MICALL2: variants seen among roughly 807,000 people sequenced by gnomAD.
The protein encoded by MICALL2 is MICAL-like protein 2.
In MICALL2, 111 loss-of-function variants were observed where a neutral mutation model predicts 91.1. The ratio of observed to expected loss-of-function variants is 1.22; its 90% confidence interval spans 1.04 to 1.43. The LOEUF is 1.43. MICALL2 is among the 40% of genes most tolerant of loss of function. The pLI is 0.00. For missense variants in MICALL2, 1,556 were observed against 1,236.0 expected (o/e 1.26, Z -3.88); for synonymous variants, 694 against 525.3 (o/e 1.32, Z -4.39).
chr7:1,456,763 T>G (rs1781035155), intron 1 of MICALL2, among the ~76,000 whole-genome samples: 1 of 151,982 alleles, frequency 6.6e-6, no homozygotes, highest in African/African-American at 2.4e-5. Context: ...AGAGCGAGAC[T>G]CCAACTCTGG....
At chr7:1,439,833 A>T in intron 9 of MICALL2, 92 bp downstream of exon 9, 4 of 1,124,514 alleles carry the variant, frequency 3.6e-6, no homozygotes, top group South Asian at 2.1e-5. Flanking sequence ...ACACCCCAGG[A>T]GGTGGCACTA....
At chr7:1,444,622 C>T in intron 6 of MICALL2, 30 bp downstream of exon 6, 1 of 1,592,606 alleles carries the variant, frequency 6.3e-7, no homozygotes, top group South Asian at 1.1e-5. Context: ...AGAGGCCATA[C>T]CCGGGGTCCC....
At position 1,452,859 on chromosome 7, in the gene MICALL2, C is replaced by T. The variant is rs1428203454; in HGVS notation, c.144-2571G>A. Among the ~76,000 whole-genome samples, 4 of 152,106 alleles carry T rather than the reference C, an allele frequency of 2.6e-5. No individual in the cohort carries two copies. Among genetic ancestry groups the T allele is most frequent in the African/African-American group, 4.8e-5 (2 of 41,390 alleles). On this transcript the variant is annotated intron_variant, in intron 1 of 16. Coordinates refer to ENST00000297508, the MANE Select transcript of MICALL2 (RefSeq NM_182924.4). The surrounding 1 kb of genome is among the most constrained non-coding windows in gnomAD (Gnocchi z 6.2). ...TTCAACTGGGCTGCACCACCCCGGC[C>T]GGTCCCACAGCCACCACCCATCCTG... is the stretch of plus-strand genomic sequence containing the variant.
Position 1,448,586 on chromosome 7 carries a change from CCTGCCTGGCTCGGCGGGCGCGGCAGGGA to C in MICALL2, c.334+6_334+33del, listed in dbSNP as rs1780698070. 1.2e-6 allele frequency: 2 copies of C among 1,611,140 alleles called. No individual in the cohort carries two copies. Among genetic ancestry groups the C allele is most frequent in the Admixed American group, 1.7e-5 (1 of 59,954 alleles). On this transcript the variant is annotated splice_donor_region_variant and intron_variant, in intron 3 of 16. Transcript: ENST00000297508. ...CCAGGCCAAGGATGGGGGGCCTGGT[CCTGCCTGGCTCGGCGGGCGCGGCAGGGA>C]CTCACTGGGGGAGCGGCCGTGGAAG... is the stretch of plus-strand genomic sequence containing the variant.
In MICALL2 at chr7:1,436,723, C is replaced by T. The variant is rs1779983638; in HGVS notation, c.2591+19G>A. On this transcript the variant is annotated intron_variant, in intron 15 of 16. Transcript: ENST00000297508. ...CGACCTGGCCTGGCTGGGAGGGGCC[C>T]CCGGCACCTGCCCCTCACCGGAGCC... is the stretch of plus-strand genomic sequence containing the variant. The T allele has an allele frequency of 1.3e-6, 2 of 1,586,214 alleles. No individual in the cohort carries two copies. The highest frequency in any genetic ancestry group is 2.7e-5 in the African/African-American group (2 of 74,164).
intron 9 of MICALL2, 196 bp downstream of exon 9, chr7:1,439,729 A>C (rs1780187412): frequency 2.2e-6 from 1 of 446,792 alleles, no homozygotes. Flanking sequence ...ACATACATGA[A>C]CACATGCACA....
intron 9 of MICALL2, chr7:1,439,520 C>T (rs967352072): frequency 5.1e-5 from 10 of 197,748 alleles, no homozygotes; most frequent in East Asian, 2.5e-4. Flanking sequence ...ATCACATACA[C>T]GAACACAGAC....
intron 1 of MICALL2, 194 bp from the exon 2 acceptor site, chr7:1,450,482 CTGGGA>C (rs1487506831): frequency 5.0e-6 from 3 of 597,836 alleles, no homozygotes; most frequent in Non-Finnish European, 9.2e-6. Flanking sequence ...GGTGATGCTG[CTGGGA>C]CCGTAGTACG....
At position 1,447,651 on chromosome 7, in the gene MICALL2, G is replaced by C. The variant is rs776640437; in HGVS notation, c.449C>G (p.Pro150Arg). Residue 150 changes from proline to arginine, a missense_variant, in exon 4 of 17, where the codon CCT becomes CGT. By Grantham distance (103) the Pro-to-Arg change is moderately radical. Transcript: ENST00000297508. ...KLPSPAPARK[P>R]PLSPAQTNPV... ...GTTTGTCTGGGCTGGAGATAGTGGA[G>C]GCTTCCGGGCTGGGGCGGGCGAGGG... is the stretch of plus-strand genomic sequence containing the variant. 1 of 1,594,768 alleles carries C rather than the reference G, an allele frequency of 6.3e-7. No homozygotes were observed. Among genetic ancestry groups the C allele is most frequent in the Non-Finnish European group, 8.5e-7 (1 of 1,171,474 alleles).
At position 1,440,064 on chromosome 7, in the gene MICALL2, T is replaced by TG. The variant is rs1411538432; in HGVS notation, c.1826dup (p.Arg610ThrfsTer33). The TG allele has an allele frequency of 6.3e-7, 1 of 1,587,668 alleles. No homozygotes were observed. The highest frequency in any genetic ancestry group is 1.4e-5 in the African/African-American group (1 of 72,968). On this transcript the variant is annotated frameshift_variant, in exon 9 of 17. Coordinates refer to ENST00000297508, the MANE Select transcript of MICALL2 (RefSeq NM_182924.4). LOFTEE classifies it high-confidence loss of function. ...CCGCCCTCGGCTCTGCCAGGGCCCGTGGTTCCTTGGGCTTCAGAGTCCTGG... is the reference window on the plus strand; with the variant it reads ...CCGCCCTCGGCTCTGCCAGGGCCCGTGGGTTCCTTGGGCTTCAGAGTCCTGG...
chr7:1,438,744 T>C (rs2128519595), intron 10 of MICALL2, 96 bp downstream of exon 10: 1 of 1,510,290 alleles, frequency 6.6e-7, no homozygotes, highest in Non-Finnish European at 8.8e-7. Context: ...CTAGGTCCTG[T>C]GAATGCATCC....
rs1316359125 is a variant in MICALL2 at position 1,446,736 on chromosome 7, C to T, written c.618G>A (p.Arg206=). Residue 206 remains arginine, a synonymous_variant, in exon 5 of 17, where the codon AGG becomes AGA. Coordinates refer to ENST00000297508, the MANE Select transcript of MICALL2 (RefSeq NM_182924.4). ...ACCTGAAGCAGCTCCGGTGGTAAAGCCTCCCGTCGGCCAGGTGCCGCTGTA... is the reference window on the plus strand; with the variant it reads ...ACCTGAAGCAGCTCCGGTGGTAAAGTCTCCCGTCGGCCAGGTGCCGCTGTA... The part of the protein sequence containing the change: ...HLVQRHLADG[R]LYHRSCFRCK... The T allele has an allele frequency of 3.7e-6, 6 of 1,605,114 alleles. No homozygotes were observed. The South Asian group carries it at 4.5e-5, about 12-fold the overall frequency.
intron 1 of MICALL2, among the ~76,000 whole-genome samples, chr7:1,453,751 T>C (rs968163892): frequency 3.9e-5 from 6 of 152,014 alleles, no homozygotes; most frequent in Non-Finnish European, 5.9e-5. Flanking sequence ...CTTCTCTTAT[T>C]TGAAGCCTCA....
In MICALL2 at chr7:1,434,541, C is replaced by T; in HGVS notation, c.*55G>A. On this transcript the variant is annotated 3_prime_UTR_variant, in exon 17 of 17. Coordinates refer to ENST00000297508, the MANE Select transcript of MICALL2 (RefSeq NM_182924.4). ...TCCGGGTCCGGGCCAAGCCCATGGC[C>T]CCGAGTCCAAGTCCGGATGCCAGGT... The T allele has an allele frequency of 2.0e-6, 3 of 1,499,912 alleles. No individual in the cohort carries two copies. The highest frequency in any genetic ancestry group is 2.3e-5 in the East Asian group (1 of 44,280). The allele number at this position is 1,499,912 out of a possible 1,614,324, so 92.9% of individuals were successfully genotyped here.
intron 4 of MICALL2, among the ~76,000 whole-genome samples, chr7:1,447,325 A>G (rs1031689256): frequency 2.6e-5 from 4 of 152,126 alleles, no homozygotes; most frequent in Non-Finnish European, 4.4e-5. Flanking sequence ...TCCTGGGCCC[A>G]TCTAGGTTCA....
rs1419851331 is a variant in MICALL2, at chr7:1,444,902, T to A, written c.1168A>T (p.Thr390Ser). The stretch of plus-strand genomic sequence containing the variant: ...GCAGATGTGGAGCTTGAACTGAGTG[T>A]GGTTTGAGGAGCTGCCACTCGGGGG... ...GAPRVAAPQT[T>S]LSSSSTSAAT... The change falls in exon 6 of 17, where the codon ACA (threonine) becomes TCA (serine). Residue 390 changes from threonine to serine, a missense_variant. By Grantham distance (58) the Thr-to-Ser change is moderately conservative (BLOSUM62 1). Transcript: ENST00000297508. 1.3e-6 allele frequency: 2 copies of A among 1,562,308 alleles called. No homozygotes were observed. The highest frequency in any genetic ancestry group is 2.7e-5 in the African/African-American group (2 of 74,028).
rs769242305 is a variant in MICALL2 at position 1,438,279 on chromosome 7, C to A, written c.2187+10G>T. On this transcript the variant is annotated intron_variant, in intron 11 of 16. Coordinates refer to ENST00000297508, the MANE Select transcript of MICALL2 (RefSeq NM_182924.4). Reference sequence around the variant, plus strand: ...GCTGGGCCCCTGCCCGGCTCCCCACCACTACTCACCCTGACTGGGGAGGTC... The same window carrying A: ...GCTGGGCCCCTGCCCGGCTCCCCACAACTACTCACCCTGACTGGGGAGGTC... 2 of 1,594,378 alleles carry A rather than the reference C, an allele frequency of 1.3e-6. No homozygotes were observed. Among genetic ancestry groups the A allele is most frequent in the South Asian group, 2.3e-5 (2 of 88,244 alleles).
Position 1,445,337 on chromosome 7 carries a change from C to T in MICALL2, c.733G>A (p.Ala245Thr). ...GTCAACTTGGGGCTTGCAGAGGCGG[C>T]TGCGGGGAGGTGGCTGGTGCAGACG... is the stretch of plus-strand genomic sequence containing the variant. ...TFVCTSHLPA[A>T]ASASPKLTGL... Residue 245 changes from alanine to threonine, a missense_variant, in exon 6 of 17, where the codon GCC becomes ACC. Ala to Thr is a moderately conservative substitution (Grantham distance 58). Transcript: ENST00000297508. 2 of 1,606,226 alleles carry T rather than the reference C, an allele frequency of 1.2e-6. No individual in the cohort carries two copies. Among genetic ancestry groups the T allele is most frequent in the Non-Finnish European group, 8.5e-7 (1 of 1,178,760 alleles).
intron 9 of MICALL2, chr7:1,439,478 TGGACACATGCATCACGTGTGG>T (rs536546905): frequency 1.4e-3 from 180 of 130,298 alleles, no homozygotes; most frequent in African/African-American, 8.3e-3. Context: ...GATGTACACA[TGGACACATGCATCACGTGTGG>T]GCACACATGC....
Sources: allele counts gnomAD v4.1 joint callset (sites outside exome capture counted in the v4.1 genomes callset), GRCh38; gene constraint gnomAD v4.1.1; non-coding constraint Gnocchi (gnomAD v3.1); transcripts MANE v1.5; gene names NCBI Gene and HGNC (gene_info 2026-07-23, HGNC 2026-07-21).